Variants in CORIN observed in about 807,000 individuals in gnomAD.
The protein encoded by CORIN is corin, serine peptidase.
CORIN carries 117 observed loss-of-function variants against 125.3 expected under a neutral mutation model. The ratio of observed to expected loss-of-function variants is 0.93; its 90% CI spans 0.80 to 1.09. The LOEUF is 1.09. CORIN is among the 50% of genes least tolerant of loss of function. The probability of loss-of-function intolerance (pLI) is 0.00; values close to 1 mark genes in which losing one functional copy is unlikely to be tolerated. For synonymous variants in CORIN, 450 were observed against 466.4 expected, an observed-to-expected ratio of 0.96 and a Z score of 0.45; for missense variants, 1,253 against 1,306.7, an observed-to-expected ratio of 0.96 and a Z score of 0.63.
At chr4:47,703,925 G>A (rs1419674132) in intron 5 of CORIN, among the ~76,000 whole-genome samples, 1 of 152,160 alleles carries the variant, frequency 6.6e-6, no homozygotes, top group Non-Finnish European at 1.5e-5. Flanking sequence ...ACACACACAG[G>A]CATTAATACA....
At chr4:47,639,716 C>T (rs1252198119) in intron 16 of CORIN, among the ~76,000 whole-genome samples, 1 of 152,172 alleles carries the variant, frequency 6.6e-6, no homozygotes, top group Non-Finnish European at 1.5e-5. Flanking sequence ...TGCAGGGTGA[C>T]TTAGAGTTTA....
At chr4:47,634,633 T>A (rs912102415) in intron 16 of CORIN, among the ~76,000 whole-genome samples, 3 of 152,274 alleles carry the variant, frequency 2.0e-5, no homozygotes, top group Admixed American at 2.0e-4. Flanking sequence ...AAACTCTGTC[T>A]TAAATAAATA....
intron 16 of CORIN, among the ~76,000 whole-genome samples, chr4:47,633,313 A>AC (rs1722912272): frequency 6.6e-6 from 1 of 152,196 alleles, no homozygotes; most frequent in Non-Finnish European, 1.5e-5. Context: ...TGTAATGTGA[A>AC]CTAAAATTTA....
rs943160586 is a variant in CORIN at position 47,806,956 on chromosome 4, A to G, written c.155T>C (p.Ile52Thr). The change falls in exon 2 of 22, where the codon ATT becomes ACT. Residue 52 changes from isoleucine (I) to threonine (T), a missense_variant. Transcript: ENST00000273857. ...GAGAACGAGAGCACAGATACATGGA[A>G]TCAGGACCAGCAATAGGAACCGGAG... ...NLLRFLLLVL[I>T]PCICALVLLL... 4 of 1,613,844 alleles carry G rather than the reference A, an allele frequency of 2.5e-6. No individual in the cohort carries two copies. The African/African-American group carries it at 4.0e-5, about 16-fold the overall frequency.
chr4:47,733,471 T>C (rs1352050954), intron 5 of CORIN, among the ~76,000 whole-genome samples: 1 of 152,176 alleles, frequency 6.6e-6, no homozygotes, highest in East Asian at 1.9e-4. Flanking sequence ...ACTGAAATGG[T>C]TGCTAGCAGC....
chr4:47,631,783 C>A (rs1305964534), intron 16 of CORIN, among the ~76,000 whole-genome samples: 1 of 152,142 alleles, frequency 6.6e-6, no homozygotes, highest in East Asian at 1.9e-4. Context: ...AACCACTGCT[C>A]TAAATCATGG....
At chr4:47,765,455 T>A (rs1196786779) in intron 3 of CORIN, among the ~76,000 whole-genome samples, 1 of 152,254 alleles carries the variant, frequency 6.6e-6, no homozygotes, top group Non-Finnish European at 1.5e-5. Flanking sequence ...ATATTTGGAC[T>A]GTTTTCAACT....
At chr4:47,825,823 G>T (rs1224741320) in intron 1 of CORIN, among the ~76,000 whole-genome samples, 1 of 150,750 alleles carries the variant, frequency 6.6e-6, no homozygotes, top group Non-Finnish European at 1.5e-5. Context: ...GCCTCAGCCT[G>T]CCAACTAGCT....
chr4:47,656,097 C>T (rs1445667928), intron 12 of CORIN, among the ~76,000 whole-genome samples: 1 of 151,504 alleles, frequency 6.6e-6, no homozygotes, highest in Non-Finnish European at 1.5e-5. Context: ...CAAGAAAATA[C>T]CAGCAAACTG....
intron 2 of CORIN, among the ~76,000 whole-genome samples, chr4:47,787,574 G>A (rs1730877879): frequency 1.3e-5 from 2 of 150,360 alleles, no homozygotes; most frequent in African/African-American, 2.4e-5. Context: ...CTTCATCTTC[G>A]ACCAGAAAAT....
chr4:47,831,846 A>T (rs566766759), intron 1 of CORIN, among the ~76,000 whole-genome samples: 1 of 152,228 alleles, frequency 6.6e-6, no homozygotes, highest in Admixed American at 6.5e-5. Flanking sequence ...ATTAGGGTGA[A>T]GCCTAAATCC....
At chr4:47,682,441 C>CAGA (rs1553910595) in intron 7 of CORIN, 1 of 64,794 alleles carries the variant, frequency 1.5e-5, no homozygotes, top group African/African-American at 6.9e-5. Context: ...GACTCCATCT[C>CAGA]AAAAAAAAAA....
intron 2 of CORIN, among the ~76,000 whole-genome samples, chr4:47,798,865 T>C (rs1731407263): frequency 6.7e-6 from 1 of 149,944 alleles, no homozygotes; most frequent in South Asian, 2.1e-4. Flanking sequence ...AGTTGTCTAT[T>C]GTTCCCATCT....
intron 10 of CORIN, among the ~76,000 whole-genome samples, chr4:47,669,859 G>A (rs149115082): frequency 0.013 from 2,002 of 152,192 alleles, 13 homozygotes; most frequent in Middle Eastern, 0.031. Context: ...GTGAGCCACC[G>A]CACCCGGCTT....
At chr4:47,696,363 G>C (rs1398828733) in intron 5 of CORIN, among the ~76,000 whole-genome samples, 1 of 152,106 alleles carries the variant, frequency 6.6e-6, no homozygotes, top group Non-Finnish European at 1.5e-5. Flanking sequence ...ATGGCAGATT[G>C]ATAACTGGAA....
At chr4:47,701,789 C>A (rs1726303983) in intron 5 of CORIN, among the ~76,000 whole-genome samples, 1 of 112,928 alleles carries the variant, frequency 8.9e-6, no homozygotes, top group African/African-American at 3.4e-5. Context: ...ATCTTAATTA[C>A]ATTTCAATTT....
At chr4:47,766,175 G>T (rs1419439912) in intron 3 of CORIN, among the ~76,000 whole-genome samples, 1 of 152,132 alleles carries the variant, frequency 6.6e-6, no homozygotes, top group Non-Finnish European at 1.5e-5. Flanking sequence ...GGTTGTATTA[G>T]TTAGGTTTGG....
chr4:47,630,116 T>C (rs1394726333), intron 16 of CORIN, among the ~76,000 whole-genome samples: 1 of 152,172 alleles, frequency 6.6e-6, no homozygotes, highest in Non-Finnish European at 1.5e-5. Context: ...GGGGGTATGA[T>C]AAAATAGCAG....
At chr4:47,754,915 C>A (rs1729066891) in intron 4 of CORIN, among the ~76,000 whole-genome samples, 1 of 152,190 alleles carries the variant, frequency 6.6e-6, no homozygotes, top group African/African-American at 2.4e-5. Context: ...AGTAGATTCT[C>A]TGATTAGTAT....
Sources: gnomAD v4.1 joint callset for allele counts (sites outside exome capture counted in the v4.1 genomes callset) on GRCh38, gnomAD v4.1.1 for gene constraint, MANE v1.5 for transcripts, NCBI Gene and HGNC (gene_info 2026-07-23, HGNC 2026-07-21) for gene names.